TTN: variants seen among roughly 807,000 people sequenced by gnomAD.
TTN encodes titin.
TTN carries 1,525 observed loss-of-function variants against 3,223.0 expected under a neutral mutation model. The observed-to-expected ratio is 0.47, with a 90% CI of 0.45 to 0.49. TTN has a LOEUF of 0.49. Ranked by LOEUF, TTN falls within the 20% of genes least tolerant of loss-of-function variation. The probability of loss-of-function intolerance (pLI) is 0.00; values close to 1 mark genes in which losing one functional copy is unlikely to be tolerated. For synonymous variants in TTN, 14,094 were observed against 15,161.0 expected, an observed-to-expected ratio of 0.93 and a Z score of 5.17; for missense variants, 40,786 against 43,424.0, an observed-to-expected ratio of 0.94 and a Z score of 5.40.
At chr2:178,599,876 T>A (rs2052818179) in intron 288 of TTN, 26 bp from the exon 289 acceptor site, 1 of 1,528,106 alleles carries the variant, frequency 6.5e-7, no homozygotes, top group Non-Finnish European at 8.8e-7. Context: ...AAAGTTGTCA[T>A]TAGGAGCAAA....
chr2:178,647,247 CAG>C, intron 214 of TTN, 103 bp from the exon 215 acceptor site: 1 of 1,194,780 alleles, frequency 8.4e-7, no homozygotes, highest in Non-Finnish European at 1.2e-6. Context: ...CACTCTATAA[CAG>C]ATTATTCAGA....
In TTN at chr2:178,681,676, C is replaced by A; in HGVS notation, c.33157G>T (p.Ala11053Ser). The A allele has an allele frequency of 1.9e-6, 3 of 1,604,600 alleles. No individual in the cohort carries two copies. Among genetic ancestry groups the A allele is most frequent in the Non-Finnish European group, 2.5e-6 (3 of 1,177,474 alleles). ...TTCACTCTACCTTTAGCCGGTGGGG[C>A]CTTTGGTTTTGTGGGAACTGGTTCT... ...PEEPVPTKPK[A>S]PPAKVLKKAV... The change falls in exon 136 of 363, where the codon GCC becomes TCC. Residue 11053 changes from alanine (A) to serine (S), a missense_variant. Coordinates refer to ENST00000589042, the MANE Select transcript of TTN (RefSeq NM_001267550.2).
In TTN at chr2:178,773,122, T is replaced by G. The variant is rs535026241; in HGVS notation, c.7842A>C (p.Lys2614Asn). 1 of 1,613,928 alleles carries G rather than the reference T, an allele frequency of 6.2e-7. No homozygotes were observed. The highest frequency in any genetic ancestry group is 2.2e-5 in the East Asian group (1 of 44,830). Residue 2614 changes from lysine to asparagine, a missense_variant, in exon 33 of 363, where the codon AAA becomes AAC. Lys to Asn is a moderately conservative substitution (Grantham distance 94, BLOSUM62 0). Transcript: ENST00000589042. ...FYAGENMTSG[K>N]LTVAGGAISK... Reference sequence around the variant, plus strand: ...AAATATACCAACCTGCCACAGTAAGTTTTCCAGATGTCATATTTTCTCCCG... The same window carrying G: ...AAATATACCAACCTGCCACAGTAAGGTTTCCAGATGTCATATTTTCTCCCG...
intron 298 of TTN, 35 bp downstream of exon 298, chr2:178,593,533 A>G (rs777745965): frequency 1.3e-6 from 2 of 1,599,088 alleles, no homozygotes; most frequent in Non-Finnish European, 8.5e-7. Flanking sequence ...AGTTTTATCA[A>G]GCATTGAATC....
chr2:178,782,573 C>G lies in TTN; in HGVS notation c.3130G>C (p.Ala1044Pro). 3 of 1,613,958 alleles carry G rather than the reference C, an allele frequency of 1.9e-6. No homozygotes were observed. The highest frequency in any genetic ancestry group is 2.5e-6 in the Non-Finnish European group (3 of 1,179,958). The change falls in exon 19 of 363, where the codon GCC becomes CCC. Residue 1044 changes from alanine (A) to proline (P), a missense_variant. Coordinates refer to ENST00000589042, the MANE Select transcript of TTN (RefSeq NM_001267550.2). ...TCTGTAGTAAATTTCTCAGTCACGG[C>G]TGTGGTTTCCTTTTCAAATTCTTCT... ...VSEEFEKETT[A>P]VTEKFTTEEK...
Position 178,730,302 on chromosome 2 carries a change from G to C in TTN, c.18098C>G (p.Ala6033Gly), listed in dbSNP as rs771457862. ...CATGGGTGCAGTGCCACCCACAAGA[G>C]CCTTTAACTGTACCCTTGTGTTGGG... Reference protein sequence around the residue: ...VNPNTRVQLKALVGGTAPMTI... With the variant: ...VNPNTRVQLKGLVGGTAPMTI... Residue 6033 changes from alanine (A) to glycine (G), a missense_variant, in exon 62 of 363, where the codon GCT becomes GGT. Coordinates refer to ENST00000589042, the MANE Select transcript of TTN (RefSeq NM_001267550.2). 6.2e-7 allele frequency: 1 copy of C among 1,611,796 alleles called. No individual in the cohort carries two copies. Among genetic ancestry groups the C allele is most frequent in the East Asian group, 2.2e-5 (1 of 44,634 alleles).
Position 178,795,140 on chromosome 2 carries a change from G to T in TTN, c.1027C>A (p.Pro343Thr). The T allele has an allele frequency of 6.2e-7, 1 of 1,614,154 alleles. No homozygotes were observed. The highest frequency in any genetic ancestry group is 1.1e-5 in the South Asian group (1 of 91,086). The change falls in exon 7 of 363, where the codon CCC becomes ACC. Residue 343 changes from proline (P) to threonine (T), a missense_variant. By Grantham distance (38) the Pro-to-Thr change is conservative. Coordinates refer to ENST00000589042, the MANE Select transcript of TTN (RefSeq NM_001267550.2). ...ACGTAGCCCTCTTGCTTCCAAGGGG[G>T]AGGCACTTCAGGACCTGTGGCCACG... ...STVATGPEVP[P>T]PWKQEGYVAS...
chr2:178,607,742 A>G, intron 276 of TTN, 43 bp downstream of exon 276: 3 of 1,612,194 alleles, frequency 1.9e-6, no homozygotes, highest in African/African-American at 1.3e-5. Context: ...ATAGTCCCAT[A>G]TAGAGAAAAT....
In TTN at chr2:178,549,711, C is replaced by T; in HGVS notation, c.92011G>A (p.Glu30671Lys). 6.2e-7 allele frequency: 1 copy of T among 1,613,718 alleles called. No homozygotes were observed. The highest frequency in any genetic ancestry group is 8.5e-7 in the Non-Finnish European group (1 of 1,179,746). ...TAACTTTGGGCTTCACATTTATCCTCAATTAGTGCCCAGGCAAGTCTGCTG... is the reference window on the plus strand; with the variant it reads ...TAACTTTGGGCTTCACATTTATCCTTAATTAGTGCCCAGGCAAGTCTGCTG... Reference protein sequence around the residue: ...ETSRLAWALIEDKCEAQSYTA... With the variant: ...ETSRLAWALIKDKCEAQSYTA... Residue 30671 changes from glutamate (E) to lysine (K), a missense_variant, in exon 338 of 363, where the codon GAG becomes AAG. Coordinates refer to ENST00000589042, the MANE Select transcript of TTN (RefSeq NM_001267550.2).
Position 178,680,007 on chromosome 2 carries a change from T to C in TTN, c.33467A>G (p.Glu11156Gly). The part of the protein sequence containing the change: ...ELEPEEVAFE[E>G]EVVTHVEEYL... ...TTCTTCTACATGGGTTACAACTTCC[T>C]CTTCAAAGGCAACCTCTTCTGGTTC... The change falls in exon 140 of 363, where the codon GAG (glutamate) becomes GGG (glycine). Residue 11156 changes from glutamate to glycine, a missense_variant. Glu to Gly is a moderately conservative substitution (Grantham distance 98). Coordinates refer to ENST00000589042, the MANE Select transcript of TTN (RefSeq NM_001267550.2). The C allele has an allele frequency of 6.2e-7, 1 of 1,613,274 alleles. No homozygotes were observed. Among genetic ancestry groups the C allele is most frequent in the Non-Finnish European group, 8.5e-7 (1 of 1,179,466 alleles).
rs1162176452 is a variant in TTN, at chr2:178,602,519, G to A, written c.54883C>T (p.Pro18295Ser). ...TKSSISLGWKPPAKDGGSPIK... is the reference protein window; with the variant it reads ...TKSSISLGWKSPAKDGGSPIK... ...GGGCTGCCACCATCTTTGGCTGGAG[G>A]TTTCCATCCTAGTGAGATGCTTGAC... The change falls in exon 283 of 363, where the codon CCT (proline) becomes TCT (serine). Residue 18295 changes from proline (P) to serine (S), a missense_variant. Physicochemically the swap from Pro to Ser is moderately conservative, Grantham distance 74. Coordinates refer to ENST00000589042, the MANE Select transcript of TTN (RefSeq NM_001267550.2). 4 of 1,608,446 alleles carry A rather than the reference G, an allele frequency of 2.5e-6. No individual in the cohort carries two copies. The highest frequency in any genetic ancestry group is 1.7e-5 in the Admixed American group (1 of 59,238).
Position 178,712,609 on chromosome 2 carries a change from T to C in TTN, c.27329-16A>G, listed in dbSNP as rs911897511. On this transcript the variant is annotated splice_polypyrimidine_tract_variant and intron_variant, in intron 94 of 362. Transcript: ENST00000589042. Reference sequence around the variant, plus strand: ...TTGGCTGGGGCTAAAGTGACCAAATTGAAAATATAAAATCAAACACATATA... The same window carrying C: ...TTGGCTGGGGCTAAAGTGACCAAATCGAAAATATAAAATCAAACACATATA... 8.1e-6 allele frequency: 13 copies of C among 1,607,312 alleles called. No homozygotes were observed. The highest frequency in any genetic ancestry group is 8.5e-6 in the Non-Finnish European group (10 of 1,176,216).
rs546307608 is a variant in TTN at position 178,684,106 on chromosome 2, A to G, written c.32723-24T>C. On this transcript the variant is annotated intron_variant, in intron 132 of 362. Coordinates refer to ENST00000589042, the MANE Select transcript of TTN (RefSeq NM_001267550.2). ...CACTTTAAAGAGAGATTTCACTTTA[A>G]AGTATTGTTTCCCTCTTTCAAACCA... The G allele has an allele frequency of 1.4e-5, 23 of 1,610,252 alleles. No individual in the cohort carries two copies. In the South Asian group the frequency reaches 2.4e-4, roughly 17 times the overall value.
Position 178,527,052 on chromosome 2 carries a change from G to T in TTN, c.107936C>A (p.Ser35979Tyr). Residue 35979 changes from serine to tyrosine, a missense_variant, in exon 363 of 363, where the codon TCT becomes TAT. Ser to Tyr is a moderately radical substitution (Grantham distance 144). Coordinates refer to ENST00000589042, the MANE Select transcript of TTN (RefSeq NM_001267550.2). ...ATGTATATTCACAGTGGCAGAGTCA[G>T]ATCCAAATTCATTCCCTAAACTCAG... is the stretch of plus-strand genomic sequence containing the variant. ...YTLSLGNEFG[S>Y]DSATVNIHIR... 6.2e-7 allele frequency: 1 copy of T among 1,613,836 alleles called. No individual in the cohort carries two copies. The highest frequency in any genetic ancestry group is 8.5e-7 in the Non-Finnish European group (1 of 1,179,820).
At chr2:178,768,554 A>T in intron 38 of TTN, 119 bp downstream of exon 38, 1 of 1,428,714 alleles carries the variant, frequency 7.0e-7, no homozygotes, top group Non-Finnish European at 9.6e-7. Context: ...TTATTGCTGA[A>T]TGATATCCCA....
In TTN at chr2:178,566,578, C is replaced by T; in HGVS notation, c.79554G>A (p.Glu26518=). The change falls in exon 326 of 363, where the codon GAG becomes GAA. Residue 26518 remains glutamate, a synonymous_variant. Coordinates refer to ENST00000589042, the MANE Select transcript of TTN (RefSeq NM_001267550.2). ...AGATTTCTACTACATATCCCAAGAT[C>T]TCACTGCCGCCATCATAGATGGGTT... is the stretch of plus-strand genomic sequence containing the variant. ...WGKPIYDGGS[E]ILGYVVEICK... 2 of 1,612,848 alleles carry T rather than the reference C, an allele frequency of 1.2e-6. No individual in the cohort carries two copies. The highest frequency in any genetic ancestry group is 8.5e-7 in the Non-Finnish European group (1 of 1,179,682).
Position 178,663,286 on chromosome 2 carries a change from G to A in TTN, c.36680C>T (p.Pro12227Leu), listed in dbSNP as rs767455362. ...KKLPEAIPPK[P>L]ESPPPEVPEV... ...ATTACCTTCAGGGGGAGGACTTTCC[G>A]GTTTGGGAGGAATAGCTTCAGGCAA... Residue 12227 changes from proline to leucine, a missense_variant, in exon 173 of 363, where the codon CCG becomes CTG. Pro to Leu is a moderately conservative substitution (Grantham distance 98). Coordinates refer to ENST00000589042, the MANE Select transcript of TTN (RefSeq NM_001267550.2). 2.0e-5 allele frequency: 31 copies of A among 1,563,620 alleles called. No homozygotes were observed. The East Asian group carries it at 2.9e-4, about 14-fold the overall frequency.
intron 47 of TTN, chr2:178,746,974 A>G (rs748225975): frequency 6.2e-7 from 1 of 1,613,508 alleles, no homozygotes; most frequent in Non-Finnish European, 8.5e-7. Flanking sequence ...CATTTGGTGT[A>G]CCGTCTTCCC....
At position 178,677,260 on chromosome 2, in the gene TTN, G is replaced by A; in HGVS notation, c.34319C>T (p.Pro11440Leu). The A allele has an allele frequency of 1.6e-6, 2 of 1,215,250 alleles. No individual in the cohort carries two copies. Among genetic ancestry groups the A allele is most frequent in the Non-Finnish European group, 2.0e-6 (2 of 980,062 alleles). The allele number at this position is 1,215,250 out of a possible 1,614,324, so 75.3% of individuals were successfully genotyped here. A position where few individuals can be genotyped will look rare whatever the true frequency, so the allele number is the denominator to read the frequency against. ...PVPEVPKKPV[P>L]EKKVPVPAPK... ...GGCGGGAACAGGGACTTTCTTCTCT[G>A]GTACAGGTTTCTTTGGCACTTCAGG... The change falls in exon 147 of 363, where the codon CCA (proline) becomes CTA (leucine). Residue 11440 changes from proline (P) to leucine (L), a missense_variant. Coordinates refer to ENST00000589042, the MANE Select transcript of TTN (RefSeq NM_001267550.2).
Sources: allele counts gnomAD v4.1 joint callset, GRCh38; gene constraint gnomAD v4.1.1; transcripts MANE v1.5; gene names NCBI Gene and HGNC (gene_info 2026-07-23, HGNC 2026-07-21).